The following HNRNPLL variants were observed in gnomAD, a reference collection of about 807,000 sequenced individuals.
HNRNPLL encodes the protein heterogeneous nuclear ribonucleoprotein L-like.
In HNRNPLL, 25 loss-of-function variants were observed where a neutral mutation model predicts 67.1. The observed-to-expected ratio is 0.37, with a 90% CI of 0.27 to 0.52. The LOEUF (loss-of-function observed/expected upper bound fraction) is 0.52, where lower values mean the gene tolerates loss of function less well. Ranked by LOEUF, HNRNPLL falls within the 20% of genes least tolerant of loss-of-function variation. The probability of loss-of-function intolerance (pLI) is 0.90; values close to 1 mark genes in which losing one functional copy is unlikely to be tolerated. For missense variants in HNRNPLL, 542 were observed against 673.9 expected, an observed-to-expected ratio of 0.80 and a Z score of 2.17; for synonymous variants, 267 against 241.7, an observed-to-expected ratio of 1.10 and a Z score of -0.97.
At chr2:38,569,736 G>C in intron 9 of HNRNPLL, 68 bp downstream of exon 9, 1 of 794,236 alleles carries the variant, frequency 1.3e-6, no homozygotes, top group Non-Finnish European at 1.9e-6. Context: ...TGACATTAAT[G>C]TCTCTAATAA....
rs1667489505 is a variant in HNRNPLL at position 38,602,562 on chromosome 2, G to A, written c.65C>T (p.Ala22Val). ...CCCCTCCTCGGTCTTGAGACGCTTG[G>A]CCTGGCTCTCGTACTCCCGGTCCTC... Reference protein sequence around the residue: ...YEEDREYESQAKRLKTEEGEI... With the variant: ...YEEDREYESQVKRLKTEEGEI... Residue 22 changes from alanine (A) to valine (V), a missense_variant, in exon 1 of 13, where the codon GCC becomes GTC. This residue lies in a region of HNRNPLL where 127 missense variants were observed against 98.7 expected (regional missense o/e 1.29). Transcript: ENST00000449105. 2 of 1,571,154 alleles carry A rather than the reference G, an allele frequency of 1.3e-6. No individual in the cohort carries two copies. Among genetic ancestry groups the A allele is most frequent in the African/African-American group, 1.4e-5 (1 of 73,962 alleles).
Position 38,569,224 on chromosome 2 carries a change from C to T in HNRNPLL, c.1325G>A (p.Gly442Asp). Residue 442 changes from glycine (G) to aspartate (D), a missense_variant, in exon 10 of 13, where the codon GGC becomes GAC. Coordinates refer to ENST00000449105, the MANE Select transcript of HNRNPLL (RefSeq NM_138394.4). Reference sequence around the variant, plus strand: ...CTGGATTATATTCTTAGATGCTTGGCCAGCACTTGTAAAGCGATTATTTTT... The same window carrying T: ...CTGGATTATATTCTTAGATGCTTGGTCAGCACTTGTAAAGCGATTATTTTT... ...MSKNNRFTSA[G>D]QASKNIIQPP... 1.2e-6 allele frequency: 2 copies of T among 1,612,892 alleles called. No individual in the cohort carries two copies. Among genetic ancestry groups the T allele is most frequent in the East Asian group, 2.2e-5 (1 of 44,836 alleles).
At chr2:38,575,974 T>C (rs1381126077) in intron 7 of HNRNPLL, among the ~76,000 whole-genome samples, 1 of 151,718 alleles carries the variant, frequency 6.6e-6, no homozygotes, top group Non-Finnish European at 1.5e-5. Flanking sequence ...TTAATGGACA[T>C]AGCTCAGAAT....
At chr2:38,594,453 G>C (rs1667093220) in intron 1 of HNRNPLL, among the ~76,000 whole-genome samples, 1 of 151,980 alleles carries the variant, frequency 6.6e-6, no homozygotes, top group Non-Finnish European at 1.5e-5. Context: ...AAATAGTTTA[G>C]GGGAAAATAG....
intron 8 of HNRNPLL, among the ~76,000 whole-genome samples, chr2:38,570,842 G>T (rs1031747257): frequency 1.3e-5 from 2 of 151,346 alleles, no homozygotes; most frequent in Non-Finnish European, 2.9e-5. Flanking sequence ...AGGAGCTTGA[G>T]ACCAGGCTGG....
chr2:38,594,777 C>G (rs1667106776), intron 1 of HNRNPLL, among the ~76,000 whole-genome samples: 1 of 151,912 alleles, frequency 6.6e-6, no homozygotes, highest in Non-Finnish European at 1.5e-5. Context: ...TGGCAAAACC[C>G]CATCTCTACT....
rs1667505188 is a variant in HNRNPLL at position 38,602,746 on chromosome 2, C to T, written c.-120G>A. The T allele has an allele frequency of 6.0e-6, 9 of 1,505,818 alleles. No individual in the cohort carries two copies. The highest frequency in any genetic ancestry group is 8.0e-6 in the Non-Finnish European group (9 of 1,126,496). 93.3% of individuals were successfully genotyped at this position (1,505,818 alleles called of 1,614,324 possible). ...CCTCTTCTGCGAGGGTCTCCGCGGC[C>T]CGGCCGTCCGCGGGGACTGCGCGGC... On this transcript the variant is annotated 5_prime_UTR_variant, in exon 1 of 13. Coordinates refer to ENST00000449105, the MANE Select transcript of HNRNPLL (RefSeq NM_138394.4).
At chr2:38,586,281 A>G (rs1274803163) in intron 2 of HNRNPLL, among the ~76,000 whole-genome samples, 6 of 152,158 alleles carry the variant, frequency 3.9e-5, no homozygotes, top group Non-Finnish European at 1.5e-5. Flanking sequence ...TCGGCCTCCC[A>G]AAGTGCTGGG....
intron 1 of HNRNPLL, among the ~76,000 whole-genome samples, 167 bp from the exon 2 acceptor site, chr2:38,591,815 A>C (rs1170829902): frequency 6.6e-6 from 1 of 152,076 alleles, no homozygotes; most frequent in African/African-American, 2.4e-5. Context: ...ATCTCTACTA[A>C]AAATAGAAAA....
Position 38,596,481 on chromosome 2 carries a change from T to C in HNRNPLL, c.190-4833A>G, listed in dbSNP as rs147442035. Among the ~76,000 whole-genome samples the C allele has an allele frequency of 4.7e-4, 71 of 152,160 alleles. 4 individuals are homozygous for C. The East Asian group carries it at 0.013, about 29-fold the overall frequency. On this transcript the variant is annotated intron_variant, in intron 1 of 12. Transcript: ENST00000449105. ...CCATTTTTGCCAGGCTGGTCTTGAATTCTTGGCCTCAAGTGATCCACCTGC... is the reference window on the plus strand; with the variant it reads ...CCATTTTTGCCAGGCTGGTCTTGAACTCTTGGCCTCAAGTGATCCACCTGC...
intron 1 of HNRNPLL, among the ~76,000 whole-genome samples, chr2:38,599,366 A>C (rs1667331018): frequency 6.6e-6 from 1 of 152,258 alleles, no homozygotes; most frequent in African/African-American, 2.4e-5. Context: ...GGTTTTCCCA[A>C]GTGAAGCCTT....
rs142428930 is a variant in HNRNPLL at position 38,583,727 on chromosome 2, C to T, written c.632+114G>A. 3.9e-4 allele frequency: 197 copies of T among 505,910 alleles called. 2 individuals carry two copies. The highest frequency in any genetic ancestry group is 7.8e-5 in the Admixed American group (2 of 25,766). The allele number at this position is 505,910 out of a possible 1,614,324, so 31.3% of individuals were successfully genotyped here. A position where few individuals can be genotyped will look rare whatever the true frequency, so the allele number is the denominator to read the frequency against. On this transcript the variant is annotated intron_variant, in intron 4 of 12. Transcript: ENST00000449105. ...AGTTTCATTTTTTAAAGCTAAGTCA[C>T]GTAGATTTTTGTGAGAGGACAAAGT...
intron 7 of HNRNPLL, among the ~76,000 whole-genome samples, chr2:38,575,271 C>T (rs553654890): frequency 6.6e-6 from 1 of 151,652 alleles, no homozygotes; most frequent in Non-Finnish European, 1.5e-5. Context: ...GTTTTCTATA[C>T]TAAATTGATA....
Position 38,592,112 on chromosome 2 carries a change from A to T in HNRNPLL, c.190-464T>A, listed in dbSNP as rs1666982901. ...GTTAGCAAAAGGATATGAGAATAAA[A>T]TAAATGTTTGTTTTAAAATTTTTAA... On this transcript the variant is annotated intron_variant, in intron 1 of 12. Transcript: ENST00000449105. Among the ~76,000 whole-genome samples, 3 of 152,242 alleles carry T rather than the reference A, an allele frequency of 2.0e-5. No homozygotes were observed. The South Asian group carries it at 6.2e-4, about 32-fold the overall frequency.
At chr2:38,569,980 G>T (rs1362870020) in intron 8 of HNRNPLL, 55 bp from the exon 9 acceptor site, 13 of 1,344,622 alleles carry the variant, frequency 9.7e-6, no homozygotes, top group Non-Finnish European at 1.3e-5. Context: ...TACAGTAAAA[G>T]AAATTTTAAA....
chr2:38,594,207 A>G (rs1667083062), intron 1 of HNRNPLL, among the ~76,000 whole-genome samples: 1 of 152,180 alleles, frequency 6.6e-6, no homozygotes, highest in Admixed American at 6.5e-5. Context: ...AACAAACAAA[A>G]AAACCAAATG....
chr2:38,565,764 TACTTA>T (rs1044510027), intron 12 of HNRNPLL, among the ~76,000 whole-genome samples: 2 of 150,588 alleles, frequency 1.3e-5, no homozygotes, highest in African/African-American at 2.4e-5. Flanking sequence ...AGGTGTTTCT[TACTTA>T]ACTTTTTATT....
intron 1 of HNRNPLL, among the ~76,000 whole-genome samples, chr2:38,598,010 C>G (rs1050863105): frequency 6.6e-6 from 1 of 150,958 alleles, no homozygotes; most frequent in Non-Finnish European, 1.5e-5. Context: ...TTTTAAAAAA[C>G]AAACTTTTTT....
chr2:38,581,813 T>C (rs1227329251), intron 6 of HNRNPLL, 100 bp downstream of exon 6: 7 of 788,548 alleles, frequency 8.9e-6, no homozygotes, highest in Non-Finnish European at 1.5e-5. Context: ...AACAAGGTTT[T>C]CATTTGAATT....
Sources: allele counts gnomAD v4.1 joint callset (sites outside exome capture counted in the v4.1 genomes callset), GRCh38; gene constraint gnomAD v4.1.1; regional missense constraint gnomAD v4.1.1; transcripts MANE v1.5; gene names NCBI Gene and HGNC (gene_info 2026-07-23, HGNC 2026-07-21).